AKAP13: variants seen among roughly 807,000 people sequenced by gnomAD.
The protein encoded by AKAP13 is A-kinase anchoring protein 13.
Under a neutral mutation model 264.5 loss-of-function variants are expected in AKAP13, and 80 were observed. That is an observed-to-expected ratio of 0.30 (90% CI 0.25 to 0.36). The LOEUF is 0.36. Ranked by LOEUF, AKAP13 falls within the 10% of genes least tolerant of loss-of-function variation. The probability of loss-of-function intolerance (pLI) is 1.00; values close to 1 mark genes in which losing one functional copy is unlikely to be tolerated. For missense variants in AKAP13, 3,712 were observed against 3,435.2 expected, an observed-to-expected ratio of 1.08 and a Z score of -2.01; for synonymous variants, 1,380 against 1,250.2, an observed-to-expected ratio of 1.10 and a Z score of -2.19.
At chr15:85,388,320 C>G (rs560897302) in intron 1 of AKAP13, among the ~76,000 whole-genome samples, 2 of 152,212 alleles carry the variant, frequency 1.3e-5, no homozygotes, top group South Asian at 4.2e-4. Context: ...GCTAGGATTA[C>G]AGGCGTGAGC....
chr15:85,465,339 C>G (rs750693689), intron 1 of AKAP13, among the ~76,000 whole-genome samples: 7 of 151,928 alleles, frequency 4.6e-5, no homozygotes, highest in Admixed American at 2.6e-4. Flanking sequence ...GGATCTTAGT[C>G]ATTTTTAAAA....
intron 8 of AKAP13, among the ~76,000 whole-genome samples, chr15:85,591,416 C>T (rs1365096830): frequency 1.3e-5 from 2 of 152,114 alleles, no homozygotes; most frequent in Non-Finnish European, 2.9e-5. Flanking sequence ...CTCCTTTAGC[C>T]ATTTTAAGAT....
intron 8 of AKAP13, among the ~76,000 whole-genome samples, chr15:85,594,162 T>A (rs970263558): frequency 6.6e-6 from 1 of 152,220 alleles, no homozygotes; most frequent in African/African-American, 2.4e-5. Context: ...ATCAGTTATA[T>A]CAGGCCACAG....
intron 1 of AKAP13, among the ~76,000 whole-genome samples, chr15:85,461,836 T>C (rs1032961929): frequency 1.3e-5 from 2 of 152,208 alleles, no homozygotes; most frequent in Non-Finnish European, 2.9e-5. Context: ...GTTGGGAGTT[T>C]ATGTTTTCTC....
intron 8 of AKAP13, among the ~76,000 whole-genome samples, chr15:85,590,933 T>A (rs544158091): frequency 2.6e-5 from 4 of 152,218 alleles, no homozygotes; most frequent in Non-Finnish European, 5.9e-5. Flanking sequence ...TACAATATGC[T>A]ATTCACTTAT....
At chr15:85,541,494 A>G (rs754311544) in intron 4 of AKAP13, among the ~76,000 whole-genome samples, 2 of 152,258 alleles carry the variant, frequency 1.3e-5, no homozygotes, top group African/African-American at 2.4e-5. Context: ...TTTTTAAACC[A>G]CATTAGTTTA....
chr15:85,574,266 A>C (rs907944642), intron 5 of AKAP13, among the ~76,000 whole-genome samples: 2 of 152,192 alleles, frequency 1.3e-5, no homozygotes, highest in African/African-American at 2.4e-5. Context: ...ATCCCTGTTT[A>C]TTGTATGCCC....
intron 17 of AKAP13, chr15:85,702,038 G>A (rs12916001): frequency 0.32 from 49,267 of 151,786 alleles, 8,370 homozygotes; most frequent in Middle Eastern, 0.5. Flanking sequence ...GAGATCAGGC[G>A]TTCAAGACCA....
intron 26 of AKAP13, among the ~76,000 whole-genome samples, chr15:85,725,442 T>A (rs941359680): frequency 2.6e-5 from 4 of 151,422 alleles, no homozygotes; most frequent in South Asian, 2.1e-4. Context: ...AAAAAAAAAC[T>A]TTTTCATAAC....
rs1055035889 is a variant in AKAP13 at position 85,727,941 on chromosome 15, A to G, written c.7087+478A>G. ...TTGGGAGCAGGGTATGTATCAATCTATGTTTGACCCTTATTTATTGAGTGC... is the reference window on the plus strand; with the variant it reads ...TTGGGAGCAGGGTATGTATCAATCTGTGTTTGACCCTTATTTATTGAGTGC... On this transcript the variant is annotated intron_variant, in intron 29 of 36. Coordinates refer to ENST00000394518, the MANE Select transcript of AKAP13 (RefSeq NM_007200.5). This position sits in a 1 kb window ranked among gnomAD's most constrained non-coding sequence, Gnocchi z 5.3. 2.0e-5 allele frequency among the ~76,000 whole-genome samples: 3 copies of G among 152,172 alleles called. No homozygotes were observed. Among genetic ancestry groups the G allele is most frequent in the African/African-American group, 7.2e-5 (3 of 41,440 alleles).
At chr15:85,575,352 T>G in intron 6 of AKAP13, 23 bp downstream of exon 6, 1 of 1,602,290 alleles carries the variant, frequency 6.2e-7, no homozygotes, top group Non-Finnish European at 8.6e-7. Flanking sequence ...GCTTTTATTT[T>G]TAAGTATATG....
intron 1 of AKAP13, among the ~76,000 whole-genome samples, chr15:85,438,524 A>G (rs1337509455): frequency 6.7e-6 from 1 of 148,560 alleles, no homozygotes; most frequent in African/African-American, 2.5e-5. Flanking sequence ...ATCCTAAGCC[A>G]AAAGAACAAA....
At position 85,582,074 on chromosome 15, in the gene AKAP13, A is replaced by G. The variant is rs1481199389; in HGVS notation, c.4006A>G (p.Ile1336Val). 1.2e-6 allele frequency: 2 copies of G among 1,611,666 alleles called. No individual in the cohort carries two copies. Among genetic ancestry groups the G allele is most frequent in the Admixed American group, 1.7e-5 (1 of 59,894 alleles). ...FAGREEPEKI[I>V]LPVQGPEPAA... is the part of the protein sequence containing the mutation. ...TGGAAGGGAGGAGCCAGAGAAGATCATTTTACCTGTCCAGGGGCCTGAGCC... is the reference window on the plus strand; with the variant it reads ...TGGAAGGGAGGAGCCAGAGAAGATCGTTTTACCTGTCCAGGGGCCTGAGCC... The change falls in exon 7 of 37, where the codon ATT (isoleucine) becomes GTT (valine). Residue 1336 changes from isoleucine to valine, a missense_variant. Coordinates refer to ENST00000394518, the MANE Select transcript of AKAP13 (RefSeq NM_007200.5).
intron 1 of AKAP13, among the ~76,000 whole-genome samples, chr15:85,445,518 A>T (rs1184387197): frequency 6.6e-6 from 1 of 152,100 alleles, no homozygotes; most frequent in Non-Finnish European, 1.5e-5. Flanking sequence ...ATTTAATTGT[A>T]TTTTTCTACC....
At chr15:85,565,171 C>T (rs908516123) in intron 5 of AKAP13, among the ~76,000 whole-genome samples, 3 of 152,010 alleles carry the variant, frequency 2.0e-5, no homozygotes, top group Non-Finnish European at 4.4e-5. Flanking sequence ...AATGCCTGTA[C>T]TGCATCATTG....
Position 85,744,727 on chromosome 15 carries a change from C to G in AKAP13, c.*50C>G. 6.5e-7 allele frequency: 1 copy of G among 1,527,844 alleles called. No individual in the cohort carries two copies. The highest frequency in any genetic ancestry group is 8.9e-7 in the Non-Finnish European group (1 of 1,128,914). 94.6% of individuals were successfully genotyped at this position (1,527,844 alleles called of 1,614,324 possible). On this transcript the variant is annotated 3_prime_UTR_variant, in exon 37 of 37. Transcript: ENST00000394518. ...CTGCCTCCTGATCCTGGCCAGCCCA[C>G]CTCTCCTGCTGTCCCCGCGTGCACA...
intron 1 of AKAP13, among the ~76,000 whole-genome samples, chr15:85,461,067 T>C (rs1293167745): frequency 6.6e-6 from 1 of 152,110 alleles, no homozygotes; most frequent in East Asian, 1.9e-4. Flanking sequence ...TAATTTCTTA[T>C]TTTTCACTAG....
intron 9 of AKAP13, among the ~76,000 whole-genome samples, chr15:85,642,280 G>A (rs925361918): frequency 3.9e-5 from 6 of 152,150 alleles, no homozygotes; most frequent in Non-Finnish European, 8.8e-5. Flanking sequence ...CACTGTTATG[G>A]AAATGGCAAC....
Position 85,718,179 on chromosome 15 carries a change from T to C in AKAP13, c.6001+20T>C. ...TATATGGTGAGAGTCTTCATTTTGCTCTGATTATATTTGATTTCCATTGTC... is the reference window on the plus strand; with the variant it reads ...TATATGGTGAGAGTCTTCATTTTGCCCTGATTATATTTGATTTCCATTGTC... On this transcript the variant is annotated intron_variant, in intron 22 of 36. Coordinates refer to ENST00000394518, the MANE Select transcript of AKAP13 (RefSeq NM_007200.5). The surrounding 1 kb of genome is among the most constrained non-coding windows in gnomAD (Gnocchi z 4.9). 2 of 1,612,258 alleles carry C rather than the reference T, an allele frequency of 1.2e-6. No homozygotes were observed. Among genetic ancestry groups the C allele is most frequent in the South Asian group, 1.1e-5 (1 of 90,984 alleles).
Sources: allele counts gnomAD v4.1 joint callset (sites outside exome capture counted in the v4.1 genomes callset), GRCh38; gene constraint gnomAD v4.1.1; non-coding constraint Gnocchi (gnomAD v3.1); transcripts MANE v1.5; gene names NCBI Gene and HGNC (gene_info 2026-07-23, HGNC 2026-07-21).